The following GSK3B variants were observed in gnomAD, a reference collection of about 807,000 sequenced individuals.
GSK3B encodes the protein glycogen synthase kinase-3 beta.
In GSK3B, 15 loss-of-function variants were observed where a neutral mutation model predicts 56.4. That is an observed-to-expected ratio of 0.27 (90% confidence interval 0.18 to 0.41). The LOEUF is 0.41. Ranked by LOEUF, GSK3B falls within the 10% of genes least tolerant of loss-of-function variation. The probability of loss-of-function intolerance (pLI) is 1.00; values close to 1 mark genes in which losing one functional copy is unlikely to be tolerated. For synonymous variants in GSK3B, 181 were observed against 188.9 expected, an observed-to-expected ratio of 0.96 and a Z score of 0.34; for missense variants, 300 against 513.4, an observed-to-expected ratio of 0.58 and a Z score of 4.02.
At position 119,822,587 on chromosome 3, in the gene GSK3B, C is replaced by T. The variant is rs1392451933; in HGVS notation, c.*4201G>A. The T allele has an allele frequency of 4.4e-6, 1 of 229,438 alleles. No homozygotes were observed. Among genetic ancestry groups the T allele is most frequent in the Admixed American group, 5.7e-5 (1 of 17,660 alleles). The allele number at this position is 229,438 out of a possible 1,614,324, so 14.2% of individuals were successfully genotyped here. A position where few individuals can be genotyped will look rare whatever the true frequency, so the allele number is the denominator to read the frequency against. ...AACCCTTGTGAAAATAATCCAAACC[C>T]CAGGGATTACTTTCAAAGCCTCTCA... is the stretch of plus-strand genomic sequence containing the variant. On this transcript the variant is annotated 3_prime_UTR_variant, in exon 11 of 11. Coordinates refer to ENST00000264235, the MANE Select transcript of GSK3B (RefSeq NM_001146156.2).
chr3:119,823,266 T>A lies in GSK3B; in HGVS notation c.*3522A>T, dbSNP rs556302460. 5.1e-4 allele frequency: 111 copies of A among 218,830 alleles called. No homozygotes were observed. The highest frequency in any genetic ancestry group is 2.0e-3 in the African/African-American group (91 of 44,668). The allele number at this position is 218,830 out of a possible 1,614,324, so 13.6% of individuals were successfully genotyped here. On this transcript the variant is annotated 3_prime_UTR_variant, in exon 11 of 11. Transcript: ENST00000264235. ...CAGTAAGAATTAAACTGATTTTTTT[T>A]AAAAGAAATTAAAATGATATTTCAT...
chr3:119,961,107 C>T (rs2057267314), intron 2 of GSK3B, among the ~76,000 whole-genome samples: 1 of 151,960 alleles, frequency 6.6e-6, no homozygotes, highest in Admixed American at 6.6e-5. Flanking sequence ...CCCCTCAAAA[C>T]ACATGTAAAG....
At chr3:119,898,184 A>G (rs1473622527) in intron 7 of GSK3B, among the ~76,000 whole-genome samples, 1 of 152,214 alleles carries the variant, frequency 6.6e-6, no homozygotes, top group East Asian at 1.9e-4. Context: ...AAAGTGTCAA[A>G]CATCTCATGT....
intron 1 of GSK3B, chr3:120,028,961 G>A: frequency 3.5e-6 from 2 of 572,244 alleles, no homozygotes; most frequent in Non-Finnish European, 6.5e-6. Flanking sequence ...GCATACAAGA[G>A]AAGTGCTTTG....
At chr3:120,089,212 C>T (rs1576321623) in intron 1 of GSK3B, among the ~76,000 whole-genome samples, 1 of 152,146 alleles carries the variant, frequency 6.6e-6, no homozygotes, top group Non-Finnish European at 1.5e-5. Context: ...CACTGGGTTC[C>T]CTTGAAGTTT....
At chr3:119,989,948 G>A (rs1012137315) in intron 2 of GSK3B, among the ~76,000 whole-genome samples, 1 of 152,018 alleles carries the variant, frequency 6.6e-6, no homozygotes, top group Non-Finnish European at 1.5e-5. Flanking sequence ...AGAAGAACAC[G>A]CCGTCCCTCC....
intron 7 of GSK3B, among the ~76,000 whole-genome samples, chr3:119,904,461 G>T (rs1011820271): frequency 2.0e-5 from 3 of 152,158 alleles, no homozygotes; most frequent in African/African-American, 7.2e-5. Flanking sequence ...GCTGCAAATT[G>T]TAAGAAATTA....
chr3:120,005,942 T>C (rs1194216043), intron 1 of GSK3B, among the ~76,000 whole-genome samples: 1 of 152,194 alleles, frequency 6.6e-6, no homozygotes, highest in Non-Finnish European at 1.5e-5. Context: ...ACCTTAAATG[T>C]AAATGGGCTA....
chr3:119,905,470 T>G (rs550559614), intron 7 of GSK3B, among the ~76,000 whole-genome samples: 4 of 152,132 alleles, frequency 2.6e-5, no homozygotes, highest in Admixed American at 1.3e-4. Flanking sequence ...AGTGAGCTTA[T>G]AGTCTAATTT....
At chr3:120,020,889 A>G (rs1262312493) in intron 1 of GSK3B, among the ~76,000 whole-genome samples, 4 of 152,240 alleles carry the variant, frequency 2.6e-5, no homozygotes, top group Admixed American at 2.6e-4. Flanking sequence ...GAATGACAAG[A>G]AAGTAAAACA....
chr3:119,851,292 C>T (rs181808226), intron 9 of GSK3B, among the ~76,000 whole-genome samples: 20 of 152,212 alleles, frequency 1.3e-4, no homozygotes, highest in Admixed American at 8.5e-4. Flanking sequence ...AAAAGACAAA[C>T]TCAATAAACT....
At chr3:119,942,627 T>C (rs770626612) in intron 3 of GSK3B, among the ~76,000 whole-genome samples, 1 of 152,080 alleles carries the variant, frequency 6.6e-6, no homozygotes, top group Non-Finnish European at 1.5e-5. Context: ...CTAGAGTTCT[T>C]TGGGGTAAGC....
intron 2 of GSK3B, among the ~76,000 whole-genome samples, chr3:119,952,518 GA>G (rs902641503): frequency 5.9e-5 from 8 of 135,774 alleles, no homozygotes; most frequent in African/African-American, 1.6e-4. Flanking sequence ...AGAAAGAAAA[GA>G]AAAAAAAATT....
chr3:120,055,629 C>A (rs1339631165), intron 1 of GSK3B, among the ~76,000 whole-genome samples: 1 of 151,926 alleles, frequency 6.6e-6, no homozygotes, highest in African/African-American at 2.4e-5. Context: ...AGGGAATATA[C>A]CAAAATAGAG....
chr3:120,091,883 C>A (rs929129521), intron 1 of GSK3B, among the ~76,000 whole-genome samples: 1 of 152,090 alleles, frequency 6.6e-6, no homozygotes, highest in Non-Finnish European at 1.5e-5. Context: ...CTAGACTACC[C>A]TGTTTCAGGC....
At chr3:120,038,926 A>G (rs943817806) in intron 1 of GSK3B, among the ~76,000 whole-genome samples, 2 of 152,172 alleles carry the variant, frequency 1.3e-5, no homozygotes, top group Non-Finnish European at 2.9e-5. Flanking sequence ...AGACTGGGAG[A>G]AAATATTTGC....
chr3:119,912,443 T>G (rs2056743660), intron 6 of GSK3B, among the ~76,000 whole-genome samples: 1 of 151,934 alleles, frequency 6.6e-6, no homozygotes, highest in East Asian at 1.9e-4. Context: ...GCACATGCTC[T>G]TATAAAACTA....
chr3:119,936,122 A>G (rs1286363424), intron 3 of GSK3B, among the ~76,000 whole-genome samples: 3 of 151,964 alleles, frequency 2.0e-5, no homozygotes, highest in Non-Finnish European at 4.4e-5. Flanking sequence ...GACTAACATC[A>G]CACTTGAAGA....
intron 9 of GSK3B, among the ~76,000 whole-genome samples, chr3:119,857,831 G>A (rs1026986089): frequency 6.6e-6 from 1 of 152,108 alleles, no homozygotes; most frequent in African/African-American, 2.4e-5. Context: ...TAAATAACAG[G>A]ACATAAAAGT....
Sources: gnomAD v4.1 joint callset for allele counts (sites outside exome capture counted in the v4.1 genomes callset) on GRCh38, gnomAD v4.1.1 for gene constraint, MANE v1.5 for transcripts, NCBI Gene and HGNC (gene_info 2026-07-23, HGNC 2026-07-21) for gene names.